KMT2C: variants seen among roughly 807,000 people sequenced by gnomAD.
The protein encoded by KMT2C is histone-lysine N-methyltransferase 2C.
Under a neutral mutation model 507.9 loss-of-function variants are expected in KMT2C, and 88 were observed. That is an observed-to-expected ratio of 0.17 (90% CI 0.15 to 0.21). The LOEUF (loss-of-function observed/expected upper bound fraction) is 0.21. KMT2C is among the 10% of genes least tolerant of loss of function. KMT2C has a pLI of 1.00. For missense variants in KMT2C, 4,954 were observed against 5,957.8 expected (o/e 0.83, Z 5.55); for synonymous variants, 2,049 against 2,080.8 (o/e 0.98, Z 0.42).
rs62495304 is a variant in KMT2C, at chr7:152,418,401, T to C, written c.161+17225A>G. 3.0e-3 allele frequency among the ~76,000 whole-genome samples: 454 copies of C among 152,176 alleles called. 3 individuals carry two copies. Among genetic ancestry groups the C allele is most frequent in the Non-Finnish European group, 4.9e-3 (336 of 67,986 alleles). On this transcript the variant is annotated intron_variant, in intron 1 of 58. Transcript: ENST00000262189. ...AAGAGGAAAAGGGGAGACAGCTGTA[T>C]GGTTACATAAATTATAGTGTGGTTA...
chr7:152,247,188 A>G (rs2095485809), intron 14 of KMT2C, among the ~76,000 whole-genome samples: 1 of 152,176 alleles, frequency 6.6e-6, no homozygotes, highest in Admixed American at 6.5e-5. Context: ...TTGTAAAACA[A>G]TAAATAATTC....
intron 23 of KMT2C, among the ~76,000 whole-genome samples, chr7:152,210,704 T>A (rs553427018): frequency 1.6e-4 from 25 of 151,962 alleles, no homozygotes; most frequent in African/African-American, 6.0e-4. Flanking sequence ...CAATTTGGAA[T>A]TAACAGACTA....
intron 1 of KMT2C, among the ~76,000 whole-genome samples, chr7:152,418,634 G>A (rs1485615964): frequency 6.6e-6 from 1 of 151,914 alleles, no homozygotes; most frequent in East Asian, 1.9e-4. Context: ...GTTTCACTAT[G>A]TTGGCCAGGC....
At chr7:152,420,129 A>T (rs1262263028) in intron 1 of KMT2C, among the ~76,000 whole-genome samples, 3 of 152,246 alleles carry the variant, frequency 2.0e-5, no homozygotes, top group Admixed American at 1.3e-4. Context: ...TACACAGCAG[A>T]TTCTCAGTAT....
chr7:152,303,079 A>C (rs2096585202), intron 6 of KMT2C, among the ~76,000 whole-genome samples: 1 of 152,312 alleles, frequency 6.6e-6, no homozygotes, highest in Admixed American at 6.5e-5. Flanking sequence ...AGGGAAATTA[A>C]AAGAAAAACG....
At chr7:152,167,581 C>A (rs1458752862) in intron 41 of KMT2C, among the ~76,000 whole-genome samples, 2 of 152,152 alleles carry the variant, frequency 1.3e-5, no homozygotes, top group Non-Finnish European at 1.5e-5. Flanking sequence ...CCAGAGAATG[C>A]ACATTCTTGA....
chr7:152,300,028 A>C (rs2129192499), intron 6 of KMT2C, among the ~76,000 whole-genome samples: 1 of 152,290 alleles, frequency 6.6e-6, no homozygotes, highest in South Asian at 2.1e-4. Flanking sequence ...CAGTCTCTTT[A>C]CTCTGCTCAA....
intron 2 of KMT2C, among the ~76,000 whole-genome samples, chr7:152,348,514 G>A (rs548288300): frequency 4.7e-5 from 7 of 148,312 alleles, no homozygotes; most frequent in East Asian, 4.0e-4. Context: ...TAAGAGAATC[G>A]CCTGAACCCG....
At chr7:152,195,603 A>T (rs552786626) in intron 28 of KMT2C, 2 of 944,556 alleles carry the variant, frequency 2.1e-6, no homozygotes, top group Non-Finnish European at 2.5e-6. Flanking sequence ...ATGGATGATT[A>T]CCACAGGAGC....
chr7:152,218,064 A>T (rs2094632922), intron 23 of KMT2C, among the ~76,000 whole-genome samples: 1 of 152,228 alleles, frequency 6.6e-6, no homozygotes, highest in Non-Finnish European at 1.5e-5. Flanking sequence ...TCTGAAAATC[A>T]GTTACATACA....
intron 42 of KMT2C, among the ~76,000 whole-genome samples, chr7:152,164,291 ATT>A (rs879896015): frequency 1.5e-4 from 21 of 142,596 alleles, no homozygotes; most frequent in African/African-American, 2.1e-4. Context: ...ATTGTACAAC[ATT>A]TTTTTTTTTT....
At chr7:152,351,712 G>A (rs2097112254) in intron 2 of KMT2C, among the ~76,000 whole-genome samples, 1 of 152,192 alleles carries the variant, frequency 6.6e-6, no homozygotes. Context: ...TCTTACGCCT[G>A]TCTTTACTGT....
At position 152,177,598 on chromosome 7, in the gene KMT2C, G is replaced by A. The variant is rs2129115064; in HGVS notation, c.7855C>T (p.Leu2619=). ...RRPPQGLPNQ[L]PVHPDLEQVP... ...TGTTCCAAATCTGGGTGCACAGGTA[G>A]CTGATTAGGTAGACCCTGGGGAGGT... Residue 2619 remains leucine, a synonymous_variant, in exon 38 of 59, where the codon CTA becomes TTA. Coordinates refer to ENST00000262189, the MANE Select transcript of KMT2C (RefSeq NM_170606.3). The A allele has an allele frequency of 6.2e-7, 1 of 1,614,172 alleles. No homozygotes were observed. The highest frequency in any genetic ancestry group is 1.1e-5 in the South Asian group (1 of 91,078).
rs1024267431 is a variant in KMT2C at position 152,224,544 on chromosome 7, T to C, written c.3049A>G (p.Thr1017Ala). The change falls in exon 19 of 59, where the codon ACT becomes GCT. Residue 1017 changes from threonine (T) to alanine (A), a missense_variant. Thr to Ala is a moderately conservative substitution (Grantham distance 58, BLOSUM62 0). Transcript: ENST00000262189. ...CTVCEACGKA[T>A]DPGRLLLCDD... ...CACAGCAGGAGTCTTCCTGGGTCAG[T>C]TGCCTTCCCACAGGCCTCACACACA... is the stretch of plus-strand genomic sequence containing the variant. 4 of 1,610,820 alleles carry C rather than the reference T, an allele frequency of 2.5e-6. No homozygotes were observed. The highest frequency in any genetic ancestry group is 1.3e-5 in the African/African-American group (1 of 74,842).
chr7:152,184,305 TG>T (rs1235934254), intron 34 of KMT2C, among the ~76,000 whole-genome samples: 1 of 152,036 alleles, frequency 6.6e-6, no homozygotes, highest in African/African-American at 2.4e-5. Flanking sequence ...TCACTGTAAC[TG>T]AAAATATGTG....
rs1040685283 is a variant in KMT2C, at chr7:152,356,370, T to A, written c.250+2217A>T. ...TGGGCGGATCACGTGAGATCAGGAG[T>A]TCGAGGCCAGCCTGGCAAACACTGG... On this transcript the variant is annotated intron_variant, in intron 2 of 58. Coordinates refer to ENST00000262189, the MANE Select transcript of KMT2C (RefSeq NM_170606.3). 4.3e-4 allele frequency among the ~76,000 whole-genome samples: 65 copies of A among 150,878 alleles called. No individual in the cohort carries two copies. The East Asian group carries it at 9.5e-3, about 22-fold the overall frequency.
At chr7:152,189,865 G>A (rs558258524) in intron 31 of KMT2C, among the ~76,000 whole-genome samples, 1 of 152,290 alleles carries the variant, frequency 6.6e-6, no homozygotes, top group African/African-American at 2.4e-5. Flanking sequence ...TGAAAAGCAG[G>A]TTCCATTAAG....
chr7:152,312,524 G>C (rs894401172), intron 4 of KMT2C, among the ~76,000 whole-genome samples: 2 of 152,184 alleles, frequency 1.3e-5, no homozygotes, highest in African/African-American at 2.4e-5. Flanking sequence ...CAGCTGGTCT[G>C]TGGCATGACG....
intron 38 of KMT2C, among the ~76,000 whole-genome samples, chr7:152,175,150 A>ATTTT (rs58064231): frequency 6.9e-6 from 1 of 145,492 alleles, no homozygotes; most frequent in Non-Finnish European, 1.5e-5. Context: ...CGTTGTTTTC[A>ATTTT]TTTTTTTTTT....
Sources: gnomAD v4.1 joint callset for allele counts (sites outside exome capture counted in the v4.1 genomes callset) on GRCh38, gnomAD v4.1.1 for gene constraint, MANE v1.5 for transcripts, NCBI Gene and HGNC (gene_info 2026-07-23, HGNC 2026-07-21) for gene names.